ATOSA: variants seen among roughly 807,000 people sequenced by gnomAD.
ATOSA encodes the protein atos homolog protein A.
chr15:52,685,218 A>T, the ATOSA span, among the ~76,000 whole-genome samples: 2 of 152,192 alleles, frequency 1.3e-5, no homozygotes, highest in African/African-American at 4.8e-5. Flanking sequence ...TTCTGTGCTT[A>T]GGAAACTTGC....
the ATOSA span, among the ~76,000 whole-genome samples, chr15:52,659,085 C>A: frequency 6.6e-6 from 1 of 152,202 alleles, no homozygotes; most frequent in African/African-American, 2.4e-5. Flanking sequence ...TCCCCTACCC[C>A]CAACCCCCAG....
the ATOSA span, chr15:52,581,895 C>T: frequency 3.0e-6 from 1 of 332,194 alleles, no homozygotes; most frequent in Non-Finnish European, 5.4e-6. Context: ...AATGTGTAAA[C>T]ACTAATCTAA....
the ATOSA span, among the ~76,000 whole-genome samples, chr15:52,693,885 T>C: frequency 1.3e-5 from 2 of 152,220 alleles, no homozygotes; most frequent in South Asian, 2.1e-4. Flanking sequence ...CTCATACTTA[T>C]GTAGAAGACA....
the ATOSA span, among the ~76,000 whole-genome samples, chr15:52,698,749 G>A: frequency 0.78 from 118,785 of 152,158 alleles, 46,503 homozygotes; most frequent in South Asian, 0.83. Context: ...AATTGCATGC[G>A]GTACAGAAAA....
At chr15:52,672,073 A>G in the ATOSA span, among the ~76,000 whole-genome samples, 16 of 150,236 alleles carry the variant, frequency 1.1e-4, no homozygotes, top group South Asian at 3.4e-3. Flanking sequence ...GCAATTCCTC[A>G]CACCTGTAAT....
At chr15:52,618,528 AAG>A in the ATOSA span, among the ~76,000 whole-genome samples, 1 of 152,166 alleles carries the variant, frequency 6.6e-6, no homozygotes, top group Non-Finnish European at 1.5e-5. Flanking sequence ...GAGTGAAAGA[AAG>A]AGGTATTACC....
chr15:52,686,815 T>TA, the ATOSA span, among the ~76,000 whole-genome samples: 1 of 152,230 alleles, frequency 6.6e-6, no homozygotes, highest in East Asian at 1.9e-4. Flanking sequence ...TAGCCATGGT[T>TA]AAAGGCATGC....
At chr15:52,692,960 C>T in the ATOSA span, among the ~76,000 whole-genome samples, 1 of 152,118 alleles carries the variant, frequency 6.6e-6, no homozygotes, top group Non-Finnish European at 1.5e-5. Context: ...ACAAAACTCT[C>T]TTACAGAGCA....
the ATOSA span, chr15:52,585,196 A>G: frequency 1.6e-5 from 5 of 307,712 alleles, no homozygotes; most frequent in East Asian, 6.8e-5. Flanking sequence ...CACAAATTTC[A>G]TATATATAAA....
the ATOSA span, among the ~76,000 whole-genome samples, chr15:52,639,080 G>C: frequency 7.6e-6 from 1 of 130,846 alleles, no homozygotes; most frequent in Non-Finnish European, 1.6e-5. Context: ...GCTGTCCCAA[G>C]AGCAAAAAAA....
At chr15:52,606,287 G>T in the ATOSA span, among the ~76,000 whole-genome samples, 1 of 152,066 alleles carries the variant, frequency 6.6e-6, no homozygotes, top group Non-Finnish European at 1.5e-5. Flanking sequence ...TGTTTTTGAC[G>T]TGATACAAGA....
the ATOSA span, chr15:52,605,117 G>GA: frequency 3.1e-5 from 49 of 1,558,218 alleles, no homozygotes; most frequent in East Asian, 6.8e-5. Context: ...CATGAGATAA[G>GA]AAAAAAAATG....
chr15:52,610,157 G>C, the ATOSA span: 1 of 1,613,952 alleles, frequency 6.2e-7, no homozygotes, highest in Non-Finnish European at 8.5e-7. Context: ...GCTTCATTTG[G>C]GTTATGGTGC....
chr15:52,677,168 T>C, the ATOSA span, among the ~76,000 whole-genome samples: 1 of 152,192 alleles, frequency 6.6e-6, no homozygotes, highest in Admixed American at 6.5e-5. Context: ...ATTCGTAGGA[T>C]AAATTAACAT....
chr15:52,707,544 G>A, the ATOSA span, among the ~76,000 whole-genome samples: 2 of 152,198 alleles, frequency 1.3e-5, no homozygotes, highest in African/African-American at 4.8e-5. Context: ...TAAAGGAAGT[G>A]AAAGAGGCAT....
chr15:52,681,232 A>C, the ATOSA span, among the ~76,000 whole-genome samples: 1 of 152,234 alleles, frequency 6.6e-6, no homozygotes, highest in African/African-American at 2.4e-5. Context: ...TGGCAGCAGA[A>C]AAAGTATTTA....
At chr15:52,592,749 T>C in the ATOSA span, among the ~76,000 whole-genome samples, 1 of 152,356 alleles carries the variant, frequency 6.6e-6, no homozygotes, top group Non-Finnish European at 1.5e-5. Flanking sequence ...CCTTCCTGGG[T>C]TGCATGTGGG....
chr15:52,696,319 C>A, the ATOSA span, among the ~76,000 whole-genome samples: 1 of 152,156 alleles, frequency 6.6e-6, no homozygotes, highest in Admixed American at 6.5e-5. Flanking sequence ...CACCTGGATT[C>A]TATTTCCAAA....
the ATOSA span, among the ~76,000 whole-genome samples, chr15:52,706,980 C>A: frequency 8.5e-5 from 13 of 152,238 alleles, no homozygotes; most frequent in East Asian, 2.5e-3. Context: ...GATGGCTATA[C>A]AACTCTGACT....
Sources: gnomAD v4.1 joint callset for allele counts (sites outside exome capture counted in the v4.1 genomes callset) on GRCh38, gnomAD v4.1.1 for gene constraint, MANE v1.5 for transcripts, NCBI Gene and HGNC (gene_info 2026-07-23, HGNC 2026-07-21) for gene names.